Variants in MAD1L1 observed in about 807,000 individuals in gnomAD.
MAD1L1 encodes the protein mitotic spindle assembly checkpoint protein MAD1.
MAD1L1 carries 95 observed loss-of-function variants against 96.9 expected under a neutral mutation model. The observed-to-expected ratio is 0.98, with a 90% CI of 0.83 to 1.16. The LOEUF is 1.16. Ranked by LOEUF, MAD1L1 falls within the 50% of genes most tolerant of loss-of-function variation. The probability of loss-of-function intolerance (pLI) is 0.00; values close to 1 mark genes in which losing one functional copy is unlikely to be tolerated. For missense variants in MAD1L1, 1,007 were observed against 954.4 expected, an observed-to-expected ratio of 1.06 and a Z score of -0.73; for synonymous variants, 473 against 396.6, an observed-to-expected ratio of 1.19 and a Z score of -2.29.
intron 10 of MAD1L1, among the ~76,000 whole-genome samples, chr7:2,196,368 G>C (rs903418933): frequency 2.0e-5 from 3 of 152,216 alleles, no homozygotes; most frequent in Non-Finnish European, 4.4e-5. Context: ...TTCCAAACCA[G>C]GGAAAACGTC....
At chr7:1,867,357 T>C (rs1376680664) in intron 18 of MAD1L1, among the ~76,000 whole-genome samples, 1 of 151,680 alleles carries the variant, frequency 6.6e-6, no homozygotes, top group African/African-American at 2.4e-5. Context: ...CCCCGGAAGA[T>C]GTAGAGGAGA....
intron 18 of MAD1L1, among the ~76,000 whole-genome samples, chr7:1,867,345 C>CCG (rs896050287): frequency 3.3e-5 from 5 of 152,020 alleles, no homozygotes; most frequent in African/African-American, 1.2e-4. Flanking sequence ...TCCGCAGGAC[C>CCG]CCCCCGGAAG....
At chr7:1,902,475 A>G (rs112935427) in intron 17 of MAD1L1, among the ~76,000 whole-genome samples, 2,782 of 152,308 alleles carry the variant, frequency 0.018, 88 homozygotes, top group African/African-American at 0.063. Context: ...AAAACGCGGT[A>G]CTTTTCTCTA....
chr7:1,878,813 A>G (rs968358446), intron 18 of MAD1L1, among the ~76,000 whole-genome samples: 3 of 151,180 alleles, frequency 2.0e-5, no homozygotes, highest in African/African-American at 7.3e-5. Flanking sequence ...TATAAGGCAT[A>G]AAAGTTGAAA....
chr7:2,087,953 T>C (rs1027944418), intron 11 of MAD1L1, among the ~76,000 whole-genome samples: 2 of 152,176 alleles, frequency 1.3e-5, no homozygotes, highest in Non-Finnish European at 2.9e-5. Context: ...CCGGTGCCTC[T>C]GAGAAGATCC....
intron 11 of MAD1L1, among the ~76,000 whole-genome samples, chr7:2,076,778 A>G (rs549728720): frequency 2.4e-4 from 36 of 151,860 alleles, no homozygotes; most frequent in African/African-American, 8.5e-4. Context: ...CGGTTACGAC[A>G]TGGTGAGCTC....
intron 12 of MAD1L1, among the ~76,000 whole-genome samples, chr7:2,048,773 C>A (rs900343906): frequency 3.3e-5 from 5 of 152,236 alleles, no homozygotes; most frequent in Non-Finnish European, 7.3e-5. Context: ...CTGTGCCACA[C>A]CCCTCCAGCT....
chr7:2,069,161 C>A, intron 12 of MAD1L1, 33 bp downstream of exon 12: 1 of 1,535,562 alleles, frequency 6.5e-7, no homozygotes, highest in South Asian at 1.3e-5. Flanking sequence ...CAGCTCCCTG[C>A]GACTCTGATC....
rs746121720 is a variant in MAD1L1 at position 2,170,547 on chromosome 7, G to A, written c.987-21309C>T. Among the ~76,000 whole-genome samples, 20 of 152,304 alleles carry A rather than the reference G, an allele frequency of 1.3e-4. 1 individual carries two copies. The highest frequency in any genetic ancestry group is 2.2e-4 in the African/African-American group (9 of 41,570). ...TCTGGTCAGCCACATGGAGACATGA[G>A]GACTTCATCGTGACATCGGCAGGGA... On this transcript the variant is annotated intron_variant, in intron 10 of 18. Coordinates refer to ENST00000265854, the MANE Select transcript of MAD1L1 (RefSeq NM_001013836.2).
intron 14 of MAD1L1, among the ~76,000 whole-genome samples, chr7:2,000,629 CG>C (rs1781752228): frequency 1.3e-5 from 2 of 152,342 alleles, no homozygotes; most frequent in South Asian, 4.1e-4. Flanking sequence ...TCGCCACCAC[CG>C]GAAGTTCTGT....
intron 18 of MAD1L1, among the ~76,000 whole-genome samples, chr7:1,878,730 G>GCC (rs1562483316): frequency 9.7e-6 from 1 of 103,322 alleles, no homozygotes; most frequent in African/African-American, 4.1e-5. Flanking sequence ...AGGTAAAAAT[G>GCC]TCCCCCCCCC....
At chr7:2,047,212 GA>G (rs1348353341) in intron 12 of MAD1L1, among the ~76,000 whole-genome samples, 1 of 152,180 alleles carries the variant, frequency 6.6e-6, no homozygotes, top group Non-Finnish European at 1.5e-5. Context: ...CAGGCAATGA[GA>G]ACTGTGGAAA....
rs537780401 is a variant in MAD1L1 at position 2,103,188 on chromosome 7, C to T, written c.1074-33850G>A. Among the ~76,000 whole-genome samples, 11 of 152,248 alleles carry T rather than the reference C, an allele frequency of 7.2e-5. No individual in the cohort carries two copies. The highest frequency in any genetic ancestry group is 1.9e-4 in the East Asian group (1 of 5,150). On this transcript the variant is annotated intron_variant, in intron 11 of 18. Transcript: ENST00000265854. This position sits in a 1 kb window ranked among gnomAD's most constrained non-coding sequence, Gnocchi z 4.3. ...CCTGCACCCTACAAAGGGGCAGCTC[C>T]GACCACGCTTCAGCTCTCAGCCCAC...
rs532001422 is a variant in MAD1L1, at chr7:2,067,294, C to T, written c.1218+1900G>A. Among the ~76,000 whole-genome samples the T allele has an allele frequency of 3.3e-3, 500 of 151,718 alleles. 6 individuals carry two copies. The highest frequency in any genetic ancestry group is 0.011 in the African/African-American group (472 of 41,168). On this transcript the variant is annotated intron_variant, in intron 12 of 18. Transcript: ENST00000265854. Reference sequence around the variant, plus strand: ...TCATCAGGCCACGTTCGCAGGCACCCGGGGTCATCAGGCCTGAGCCCAAAG... The same window carrying T: ...TCATCAGGCCACGTTCGCAGGCACCTGGGGTCATCAGGCCTGAGCCCAAAG...
At chr7:2,101,032 C>A (rs996020574) in intron 11 of MAD1L1, among the ~76,000 whole-genome samples, 1 of 152,232 alleles carries the variant, frequency 6.6e-6, no homozygotes, top group South Asian at 2.1e-4. Flanking sequence ...CCTAATTAAC[C>A]ACTTTCCCCA....
intron 11 of MAD1L1, among the ~76,000 whole-genome samples, chr7:2,139,358 G>C (rs1387002644): frequency 6.7e-6 from 1 of 148,636 alleles, no homozygotes; most frequent in African/African-American, 2.5e-5. Flanking sequence ...TCCAGGGCTT[G>C]CCAAGGCGGG....
At chr7:2,130,281 G>C (rs1788450927) in intron 11 of MAD1L1, among the ~76,000 whole-genome samples, 1 of 152,140 alleles carries the variant, frequency 6.6e-6, no homozygotes. Flanking sequence ...CCACGTCCTG[G>C]GGCTAGAGAA....
intron 11 of MAD1L1, among the ~76,000 whole-genome samples, chr7:2,105,994 T>TGGCCCCGCCCCTGCCCCACCC (rs60838694): frequency 2.2e-5 from 2 of 91,246 alleles, no homozygotes; most frequent in Non-Finnish European, 2.1e-5. Context: ...CTGCCCCACA[T>TGGCCCCGCCCCTGCCCCACCC]ATGGCCCCGC....
chr7:1,859,311 G>A (rs1467460227), intron 18 of MAD1L1, among the ~76,000 whole-genome samples: 1 of 152,222 alleles, frequency 6.6e-6, no homozygotes, highest in Non-Finnish European at 1.5e-5. Context: ...AGCCTCCTGG[G>A]GCTGCAGGTT....
Sources: gnomAD v4.1 joint callset for allele counts (sites outside exome capture counted in the v4.1 genomes callset) on GRCh38, gnomAD v4.1.1 for gene constraint, Gnocchi (gnomAD v3.1) non-coding constraint, MANE v1.5 for transcripts, NCBI Gene and HGNC (gene_info 2026-07-23, HGNC 2026-07-21) for gene names.